Variants in COL23A1 observed in about 807,000 individuals in gnomAD.
COL23A1 encodes collagen alpha-1(XXIII) chain.
In COL23A1, 97 loss-of-function variants were observed where a neutral mutation model predicts 99.3. The ratio of observed to expected loss-of-function variants is 0.98; its 90% CI spans 0.83 to 1.16. The LOEUF is 1.16. Among genes scored for constraint, COL23A1 ranks in the 50% most tolerant of loss-of-function variants. The pLI is 0.00. For synonymous variants in COL23A1, 320 were observed against 308.2 expected, an observed-to-expected ratio of 1.04 and a Z score of -0.40; for missense variants, 762 against 757.4, an observed-to-expected ratio of 1.01 and a Z score of -0.07.
At position 178,313,973 on chromosome 5, in the gene COL23A1, G is replaced by A. The variant is rs1468893965; in HGVS notation, c.362-7054C>T. Among the ~76,000 whole-genome samples, 1 of 152,098 alleles carries A rather than the reference G, an allele frequency of 6.6e-6. No individual in the cohort carries two copies. Among genetic ancestry groups the A allele is most frequent in the Non-Finnish European group, 1.5e-5 (1 of 68,020 alleles). ...GAGCTGAAAACTGCCCAACAAGGGA[G>A]CATTCTCTCTGCACATTCCCAGCTT... is the stretch of plus-strand genomic sequence containing the variant. On this transcript the variant is annotated intron_variant, in intron 2 of 28. Coordinates refer to ENST00000390654, the MANE Select transcript of COL23A1 (RefSeq NM_173465.4). The surrounding 1 kb of genome is among the most constrained non-coding windows in gnomAD (Gnocchi z 4.2).
intron 28 of COL23A1, 24 bp from the exon 29 acceptor site, chr5:178,238,724 A>G: frequency 6.2e-7 from 1 of 1,612,204 alleles, no homozygotes; most frequent in Non-Finnish European, 8.5e-7. Context: ...AAGAGACTGA[A>G]GGTGACGAGG....
Position 178,299,530 on chromosome 5 carries a change from T to G in COL23A1, c.406+7345A>C, listed in dbSNP as rs188789643. On this transcript the variant is annotated intron_variant, in intron 3 of 28. Coordinates refer to ENST00000390654, the MANE Select transcript of COL23A1 (RefSeq NM_173465.4). ...AGCCCTGATTTTGGTAATTTGAGAC[T>G]CCAGTGTTTTTCTTGGTCAGTCTAG... Among the ~76,000 whole-genome samples, 427 of 152,276 alleles carry G rather than the reference T, an allele frequency of 2.8e-3. 3 individuals are homozygous for G. The highest frequency in any genetic ancestry group is 1.0e-2 in the African/African-American group (414 of 41,564).
chr5:178,559,851 A>C (rs1300305251), intron 2 of COL23A1, among the ~76,000 whole-genome samples: 2 of 150,462 alleles, frequency 1.3e-5, no homozygotes, highest in Non-Finnish European at 1.5e-5. Flanking sequence ...AGTCTGAGAC[A>C]CATCACCCAA....
rs1256223288 is a variant in COL23A1, at chr5:178,468,935, C to A, written c.361+91747G>T. 7.2e-5 allele frequency among the ~76,000 whole-genome samples: 11 copies of A among 152,144 alleles called. No homozygotes were observed. Among genetic ancestry groups the A allele is most frequent in the Non-Finnish European group, 1.0e-4 (7 of 68,030 alleles). Reference sequence around the variant, plus strand: ...TCCCCACTCCCCCCAGCCTGTGGCACCCACCATCCTGGTTTCCGTCTCTAT... The same window carrying A: ...TCCCCACTCCCCCCAGCCTGTGGCAACCACCATCCTGGTTTCCGTCTCTAT... On this transcript the variant is annotated intron_variant, in intron 2 of 28. Transcript: ENST00000390654. The surrounding 1 kb of genome is among the most constrained non-coding windows in gnomAD (Gnocchi z 4.2).
intron 2 of COL23A1, among the ~76,000 whole-genome samples, chr5:178,463,016 G>T (rs970204318): frequency 6.6e-6 from 1 of 152,262 alleles, no homozygotes; most frequent in African/African-American, 2.4e-5. Flanking sequence ...CTTACCCAAA[G>T]GTTGCAAGGG....
intron 2 of COL23A1, among the ~76,000 whole-genome samples, chr5:178,416,428 A>T (rs1056792239): frequency 6.6e-6 from 1 of 152,120 alleles, no homozygotes; most frequent in Non-Finnish European, 1.5e-5. Flanking sequence ...GCCTTGGGGA[A>T]AACCCCGAGG....
At chr5:178,469,674 G>A (rs112362090) in intron 2 of COL23A1, among the ~76,000 whole-genome samples, 142 of 152,118 alleles carry the variant, frequency 9.3e-4, no homozygotes, top group African/African-American at 3.3e-3. Context: ...GGGGACTTCC[G>A]CCAGTACCTC....
At position 178,556,663 on chromosome 5, in the gene COL23A1, AAAT is replaced by A. The variant is rs1246690086; in HGVS notation, c.361+4016_361+4018del. On this transcript the variant is annotated intron_variant, in intron 2 of 28. Coordinates refer to ENST00000390654, the MANE Select transcript of COL23A1 (RefSeq NM_173465.4). Reference sequence around the variant, plus strand: ...AAATAAAATAAAATAAAATAAAATAAAATAAAAAAGCTGAGTGTGGTAGCTCAT... The same window carrying A: ...AAATAAAATAAAATAAAATAAAATAAAAAAAAGCTGAGTGTGGTAGCTCAT... 2.0e-5 allele frequency among the ~76,000 whole-genome samples: 3 copies of A among 149,622 alleles called. No individual in the cohort carries two copies. In the East Asian group the frequency reaches 6.0e-4, roughly 30 times the overall value.
Position 178,527,690 on chromosome 5 carries a change from T to C in COL23A1, c.361+32992A>G, listed in dbSNP as rs773158337. On this transcript the variant is annotated intron_variant, in intron 2 of 28. Transcript: ENST00000390654. ...ACAACCTCAGTCAGCCCTGAGTGCA[T>C]GCTGTGTGTGCTCCCGGGGACCCCA... Among the ~76,000 whole-genome samples the C allele has an allele frequency of 2.8e-4, 42 of 152,294 alleles. 1 individual carries two copies. Among genetic ancestry groups the C allele is most frequent in the South Asian group, 1.2e-3 (6 of 4,826 alleles).
chr5:178,406,551 T>G (rs1764775774), intron 2 of COL23A1, among the ~76,000 whole-genome samples: 2 of 151,646 alleles, frequency 1.3e-5, no homozygotes, highest in Non-Finnish European at 2.9e-5. Context: ...TGCCTCAGCC[T>G]CCCGAGTAGC....
chr5:178,444,228 T>C (rs1767040918), intron 2 of COL23A1, among the ~76,000 whole-genome samples: 1 of 152,082 alleles, frequency 6.6e-6, no homozygotes, highest in Admixed American at 6.6e-5. Flanking sequence ...ACAAACAAGA[T>C]ATAAAGAAAA....
intron 2 of COL23A1, among the ~76,000 whole-genome samples, chr5:178,336,216 C>T (rs1760307549): frequency 6.6e-6 from 1 of 152,120 alleles, no homozygotes; most frequent in Non-Finnish European, 1.5e-5. Context: ...ACCATATGAC[C>T]CAGCAATTCC....
At chr5:178,358,733 A>ATGTGTATCTGTG (rs879550397) in intron 2 of COL23A1, among the ~76,000 whole-genome samples, 4 of 122,052 alleles carry the variant, frequency 3.3e-5, no homozygotes, top group East Asian at 4.7e-4. Context: ...GTATGTGTGT[A>ATGTGTATCTGTG]TGTGTATCTG....
intron 2 of COL23A1, among the ~76,000 whole-genome samples, chr5:178,330,882 G>A (rs893705855): frequency 6.6e-6 from 1 of 152,184 alleles, no homozygotes; most frequent in African/African-American, 2.4e-5. Flanking sequence ...TTGTCACTCA[G>A]GTCTCAGCTC....
rs1443894942 is a variant in COL23A1, at chr5:178,468,357, TG to T, written c.361+92324del. Among the ~76,000 whole-genome samples the T allele has an allele frequency of 3.9e-5, 6 of 152,144 alleles. No individual in the cohort carries two copies. Among genetic ancestry groups the T allele is most frequent in the Non-Finnish European group, 8.8e-5 (6 of 68,004 alleles). The stretch of plus-strand genomic sequence containing the variant: ...ACGGAGGTGCAAGACAGGGAGGGGA[TG>T]GAAGCCAGCACGTGGGTCAAAGGGC... On this transcript the variant is annotated intron_variant, in intron 2 of 28. Coordinates refer to ENST00000390654, the MANE Select transcript of COL23A1 (RefSeq NM_173465.4). The surrounding 1 kb of genome is among the most constrained non-coding windows in gnomAD (Gnocchi z 4.2).
At chr5:178,491,493 G>A (rs902300751) in intron 2 of COL23A1, among the ~76,000 whole-genome samples, 2 of 152,072 alleles carry the variant, frequency 1.3e-5, no homozygotes, top group Non-Finnish European at 2.9e-5. Flanking sequence ...TACAGACAAC[G>A]GCTAAACCCT....
At chr5:178,497,458 T>C (rs879690651) in intron 2 of COL23A1, among the ~76,000 whole-genome samples, 7 of 152,096 alleles carry the variant, frequency 4.6e-5, no homozygotes, top group African/African-American at 9.7e-5. Context: ...CCACAAATGA[T>C]GGTCAAGCAA....
rs985358982 is a variant in COL23A1 at position 178,247,982 on chromosome 5, C to T, written c.1213-151G>A. The T allele has an allele frequency of 1.7e-5, 13 of 767,224 alleles. No individual in the cohort carries two copies. The African/African-American group carries it at 2.1e-4, about 12-fold the overall frequency. The allele number at this position is 767,224 out of a possible 1,614,324, so 47.5% of individuals were successfully genotyped here. ...AGCAGGTGGCAGCTGGTCTGCGGAG[C>T]TTATAGTGAGCCGAGGTTGTGCCAC... is the stretch of plus-strand genomic sequence containing the variant. On this transcript the variant is annotated intron_variant, in intron 20 of 28. Transcript: ENST00000390654.
intron 2 of COL23A1, among the ~76,000 whole-genome samples, chr5:178,445,568 C>G (rs1292434691): frequency 6.6e-6 from 1 of 152,166 alleles, no homozygotes; most frequent in Non-Finnish European, 1.5e-5. Context: ...GAGTTGACAT[C>G]TAAAGTAGCC....
Sources: gnomAD v4.1 joint callset for allele counts (sites outside exome capture counted in the v4.1 genomes callset) on GRCh38, gnomAD v4.1.1 for gene constraint, Gnocchi (gnomAD v3.1) non-coding constraint, MANE v1.5 for transcripts, NCBI Gene and HGNC (gene_info 2026-07-23, HGNC 2026-07-21) for gene names.